The following TRIM37 variants were observed in gnomAD, a reference collection of about 807,000 sequenced individuals.
TRIM37 encodes tripartite motif containing 37.
In TRIM37, 80 loss-of-function variants were observed where a neutral mutation model predicts 129.8. The observed-to-expected ratio is 0.62, with a 90% CI of 0.51 to 0.74. The LOEUF (loss-of-function observed/expected upper bound fraction) is 0.74, where lower values mean the gene tolerates loss of function less well. Ranked by LOEUF, TRIM37 falls within the 30% of genes least tolerant of loss-of-function variation. The pLI is 0.00. For missense variants in TRIM37, 1,054 were observed against 1,176.5 expected (o/e 0.90, Z 1.52); for synonymous variants, 389 against 387.1 (o/e 1.00, Z -0.06).
At position 59,014,851 on chromosome 17, in the gene TRIM37, C is replaced by A. The variant is rs768619751; in HGVS notation, c.2576+759G>T. On this transcript the variant is annotated intron_variant, in intron 21 of 23. Coordinates refer to ENST00000262294, the MANE Select transcript of TRIM37 (RefSeq NM_015294.6). ...ACTAAACTTCCGGTACTATTTCATC[C>A]CATTAAAAAAAGTACTATCTCTTGA... Among the ~76,000 whole-genome samples the A allele has an allele frequency of 3.6e-4, 55 of 151,294 alleles. 1 individual carries two copies. The highest frequency in any genetic ancestry group is 2.0e-4 in the Admixed American group (3 of 15,170).
At position 59,015,725 on chromosome 17, in the gene TRIM37, T is replaced by C; in HGVS notation, c.2461A>G (p.Ile821Val). Reference protein sequence around the residue: ...RALIHGSIGDILPKTEDRQCK... With the variant: ...RALIHGSIGDVLPKTEDRQCK... Reference sequence around the variant, plus strand: ...TGCCGGTCTTCAGTTTTTGGCAGAATATCACCGATACTGCCATGTATCAAG... The same window carrying C: ...TGCCGGTCTTCAGTTTTTGGCAGAACATCACCGATACTGCCATGTATCAAG... Residue 821 changes from isoleucine to valine, a missense_variant, in exon 21 of 24, where the codon ATT becomes GTT. By Grantham distance (29) the Ile-to-Val change is conservative (BLOSUM62 3). Transcript: ENST00000262294. The C allele has an allele frequency of 6.2e-7, 1 of 1,614,128 alleles. No individual in the cohort carries two copies. The highest frequency in any genetic ancestry group is 1.7e-5 in the Admixed American group (1 of 60,020).
At chr17:59,097,257 T>C (rs532217233) in intron 2 of TRIM37, among the ~76,000 whole-genome samples, 1 of 152,110 alleles carries the variant, frequency 6.6e-6, no homozygotes, top group Non-Finnish European at 1.5e-5. Context: ...CCATTTCTAT[T>C]TGACATAATA....
intron 16 of TRIM37, among the ~76,000 whole-genome samples, chr17:59,043,642 G>A (rs1325115082): frequency 6.6e-6 from 1 of 152,146 alleles, no homozygotes; most frequent in Non-Finnish European, 1.5e-5. Context: ...ACTCCCTTCT[G>A]CTGAGACCCA....
intron 17 of TRIM37, among the ~76,000 whole-genome samples, chr17:59,038,640 T>A (rs953228021): frequency 6.6e-6 from 1 of 152,152 alleles, no homozygotes; most frequent in African/African-American, 2.4e-5. Flanking sequence ...CCTAAGTGTA[T>A]ATAAATGTTA....
chr17:59,096,851 T>G (rs1224518337), intron 2 of TRIM37, among the ~76,000 whole-genome samples: 2 of 152,310 alleles, frequency 1.3e-5, no homozygotes, highest in East Asian at 3.9e-4. Context: ...AGATATTTAC[T>G]AGAGAAATTG....
At chr17:59,015,836 G>C (rs1230748183) in intron 20 of TRIM37, 37 bp from the exon 21 acceptor site, 7 of 1,603,208 alleles carry the variant, frequency 4.4e-6, no homozygotes, top group East Asian at 2.2e-5. Flanking sequence ...AAAATTAGCT[G>C]GGCATGGTGG....
chr17:59,077,720 G>T (rs2042928787), intron 7 of TRIM37, among the ~76,000 whole-genome samples: 1 of 142,728 alleles, frequency 7.0e-6, no homozygotes, highest in Admixed American at 7.5e-5. Context: ...TGAGATAGAA[G>T]AATCTCTTGA....
chr17:59,066,864 G>A (rs1317139169), intron 9 of TRIM37, among the ~76,000 whole-genome samples: 2 of 152,076 alleles, frequency 1.3e-5, no homozygotes, highest in Non-Finnish European at 2.9e-5. Context: ...AAAGAGCTCT[G>A]TATTATGCTT....
intron 8 of TRIM37, among the ~76,000 whole-genome samples, chr17:59,075,070 T>C (rs1387003220): frequency 6.6e-6 from 1 of 152,206 alleles, no homozygotes; most frequent in African/African-American, 2.4e-5. Flanking sequence ...TTTTAACCTC[T>C]TATACATTCA....
At chr17:59,043,168 T>C (rs1394367371) in intron 16 of TRIM37, among the ~76,000 whole-genome samples, 2 of 152,222 alleles carry the variant, frequency 1.3e-5, no homozygotes, top group African/African-American at 4.8e-5. Flanking sequence ...TATTACTTTA[T>C]TTTAAACAAC....
intron 8 of TRIM37, among the ~76,000 whole-genome samples, chr17:59,071,846 G>C (rs1249696322): frequency 2.0e-5 from 3 of 152,100 alleles, no homozygotes; most frequent in Non-Finnish European, 4.4e-5. Context: ...ACATAACTCT[G>C]AGTCTGTTTA....
At chr17:59,077,247 A>G (rs977224549) in intron 7 of TRIM37, among the ~76,000 whole-genome samples, 2 of 147,028 alleles carry the variant, frequency 1.4e-5, no homozygotes, top group East Asian at 4.0e-4. Context: ...GGAACACACT[A>G]TCACACCTGG....
At chr17:59,029,217 C>T (rs2037565245) in intron 18 of TRIM37, among the ~76,000 whole-genome samples, 1 of 152,052 alleles carries the variant, frequency 6.6e-6, no homozygotes, top group Non-Finnish European at 1.5e-5. Flanking sequence ...CGCTTGAGGC[C>T]AGAAGTTCAA....
intron 13 of TRIM37, among the ~76,000 whole-genome samples, chr17:59,056,571 T>C (rs2040893149): frequency 1.3e-5 from 2 of 150,696 alleles, no homozygotes; most frequent in Admixed American, 6.6e-5. Context: ...CTACTAAAAA[T>C]AGTAAAAAAT....
intron 24 of TRIM37, among the ~76,000 whole-genome samples, chr17:58,987,204 G>A (rs1345110321): frequency 1.3e-5 from 2 of 152,180 alleles, no homozygotes; most frequent in African/African-American, 2.4e-5. Context: ...TTTTCCAAAT[G>A]AGTAACTGGA....
the TRIM37 span, among the ~76,000 whole-genome samples, chr17:58,976,622 G>A: frequency 6.6e-6 from 1 of 152,204 alleles, no homozygotes; most frequent in Admixed American, 6.5e-5. Context: ...CATATGGAGA[G>A]AAGAGGTTGA....
the TRIM37 span, chr17:58,973,064 C>T: frequency 3.7e-5 from 22 of 591,406 alleles, no homozygotes; most frequent in South Asian, 6.2e-5. Flanking sequence ...AATTGGATAA[C>T]GTCTCTTTTA....
the TRIM37 span, among the ~76,000 whole-genome samples, chr17:58,977,258 C>G: frequency 6.6e-6 from 1 of 152,136 alleles, no homozygotes; most frequent in African/African-American, 2.4e-5. Flanking sequence ...GCCTGACCAA[C>G]ATGGTGAAAC....
Position 59,012,308 on chromosome 17 carries a change from A to C in TRIM37, c.2695+20T>G. On this transcript the variant is annotated intron_variant, in intron 22 of 23. Coordinates refer to ENST00000262294, the MANE Select transcript of TRIM37 (RefSeq NM_015294.6). ...CAGAATTCTCATTTCCTGCTTACTT[A>C]TAAGTTTATCATTCCTTACCTTCTT... The C allele has an allele frequency of 6.5e-7, 1 of 1,532,860 alleles. No individual in the cohort carries two copies. The highest frequency in any genetic ancestry group is 9.0e-7 in the Non-Finnish European group (1 of 1,109,908). 95.0% of individuals were successfully genotyped at this position (1,532,860 alleles called of 1,614,324 possible).
Sources: allele counts gnomAD v4.1 joint callset (sites outside exome capture counted in the v4.1 genomes callset), GRCh38; gene constraint gnomAD v4.1.1; transcripts MANE v1.5; gene names NCBI Gene and HGNC (gene_info 2026-07-23, HGNC 2026-07-21).